Variants in PKM observed in about 807,000 individuals in gnomAD.
PKM encodes the protein pyruvate kinase PKM.
PKM carries 18 observed loss-of-function variants against 49.8 expected under a neutral mutation model. That is an observed-to-expected ratio of 0.36 (90% CI 0.25 to 0.54). PKM has a LOEUF of 0.54. Ranked by LOEUF, PKM falls within the 20% of genes least tolerant of loss-of-function variation. PKM has a pLI of 0.89. For synonymous variants in PKM, 239 were observed against 261.8 expected (o/e 0.91, Z 0.84); for missense variants, 508 against 713.8 (o/e 0.71, Z 3.28).
intron 3 of PKM, among the ~76,000 whole-genome samples, chr15:72,213,642 G>C (rs1253375878): frequency 2.0e-5 from 3 of 152,170 alleles, no homozygotes; most frequent in Non-Finnish European, 4.4e-5. Context: ...TGTTGGCCAG[G>C]CTGGTCTCGA....
intron 1 of PKM, 133 bp from the exon 2 acceptor site, chr15:72,219,243 G>T: frequency 1.3e-6 from 1 of 772,906 alleles, no homozygotes; most frequent in East Asian, 2.5e-5. Context: ...AGGGAAGCCA[G>T]ACATGATCTG....
At chr15:72,227,113 G>A (rs1395975535) in intron 1 of PKM, among the ~76,000 whole-genome samples, 1 of 152,188 alleles carries the variant, frequency 6.6e-6, no homozygotes, top group Non-Finnish European at 1.5e-5. Flanking sequence ...GTAAAAAAAT[G>A]CAAGCTCCCC....
chr15:72,218,363 G>T (rs781177920), intron 2 of PKM, among the ~76,000 whole-genome samples: 1 of 152,040 alleles, frequency 6.6e-6, no homozygotes, highest in Admixed American at 6.6e-5. Context: ...CTGACCTCAG[G>T]TGATCCACCT....
chr15:72,226,532 AAAAATAAAAT>A (rs1000885943), intron 1 of PKM, among the ~76,000 whole-genome samples: 13 of 152,330 alleles, frequency 8.5e-5, no homozygotes, highest in Middle Eastern at 3.4e-3. Context: ...TCCGTCTCAA[AAAAATAAAAT>A]AAAATAAAAT....
In PKM at chr15:72,208,658, T is replaced by C. The variant is rs1294683706; in HGVS notation, c.799A>G (p.Ile267Val). 2 of 1,614,060 alleles carry C rather than the reference T, an allele frequency of 1.2e-6. No homozygotes were observed. Among genetic ancestry groups the C allele is most frequent in the East Asian group, 4.5e-5 (2 of 44,866 alleles). Residue 267 changes from isoleucine (I) to valine (V), a missense_variant, in exon 6 of 11, where the codon ATT (isoleucine) becomes GTT (valine). Coordinates refer to ENST00000335181, the MANE Select transcript of PKM (RefSeq NM_002654.6). ...TCATGATTCTCGATTTTGCTGATAA[T>C]CTTGATGTTCTTTCCCTTCTCTCCC... Reference protein sequence around the residue: ...VLGEKGKNIKIISKIENHEGV... With the variant: ...VLGEKGKNIKVISKIENHEGV...
At chr15:72,228,500 T>C (rs202025115) in intron 1 of PKM, 2 of 498,680 alleles carry the variant, frequency 4.0e-6, no homozygotes, top group East Asian at 1.4e-4. Flanking sequence ...AAATGCATGC[T>C]TCATTATCTG....
chr15:72,214,634 A>G (rs1444661463), intron 3 of PKM, among the ~76,000 whole-genome samples: 1 of 152,128 alleles, frequency 6.6e-6, no homozygotes, highest in Non-Finnish European at 1.5e-5. Flanking sequence ...AGTCTCTACT[A>G]AAATACAAAA....
chr15:72,210,816 T>C (rs2082232442), intron 3 of PKM, among the ~76,000 whole-genome samples: 1 of 152,144 alleles, frequency 6.6e-6, no homozygotes, highest in Non-Finnish European at 1.5e-5. Context: ...GGCTGTTCTT[T>C]TTTCCCTAAG....
At position 72,199,710 on chromosome 15, in the gene PKM, C is replaced by A; in HGVS notation, c.1536G>T (p.Leu512=). 6.2e-7 allele frequency: 1 copy of A among 1,614,114 alleles called. No homozygotes were observed. The highest frequency in any genetic ancestry group is 1.1e-5 in the South Asian group (1 of 91,062). The part of the protein sequence containing the change: ...FFKKGDVVIV[L]TGWRPGSGFT... ...AGCCGGAGCCAGGGCGCCATCCGGT[C>A]AGCACAATGACCACATCTCCCTTCT... is the stretch of plus-strand genomic sequence containing the variant. The change falls in exon 11 of 11, where the codon CTG becomes CTT. Residue 512 remains leucine, a synonymous_variant. Coordinates refer to ENST00000335181, the MANE Select transcript of PKM (RefSeq NM_002654.6).
intron 1 of PKM, among the ~76,000 whole-genome samples, chr15:72,224,920 T>G (rs1266556780): frequency 1.0e-5 from 1 of 96,768 alleles, no homozygotes; most frequent in African/African-American, 3.9e-5. Flanking sequence ...AATTTCTTTT[T>G]TCTTTTTTTT....
At chr15:72,213,731 C>A (rs545140998) in intron 3 of PKM, among the ~76,000 whole-genome samples, 2 of 152,226 alleles carry the variant, frequency 1.3e-5, no homozygotes, top group Non-Finnish European at 2.9e-5. Context: ...GCACGCCCAG[C>A]CCACTTTTTC....
rs1056835900 is a variant in PKM, at chr15:72,199,394, G to C, written c.*256C>G. ...ACCCTCTTGCCATCTGGCTCCAGGG[G>C]CCTCCAGTCCAGCATTCCTCCTTCT... is the stretch of plus-strand genomic sequence containing the variant. On this transcript the variant is annotated 3_prime_UTR_variant, in exon 11 of 11. Transcript: ENST00000335181. 3.0e-6 allele frequency: 2 copies of C among 669,164 alleles called. No individual in the cohort carries two copies. The highest frequency in any genetic ancestry group is 3.5e-5 in the African/African-American group (2 of 56,478). The allele number at this position is 669,164 out of a possible 1,614,324, so 41.5% of individuals were successfully genotyped here. A position where few individuals can be genotyped will look rare whatever the true frequency, so the allele number is the denominator to read the frequency against.
intron 1 of PKM, chr15:72,230,847 G>A (rs1196151170): frequency 3.0e-6 from 3 of 994,234 alleles, no homozygotes; most frequent in East Asian, 6.3e-5. Flanking sequence ...GGAAGAGGAT[G>A]GGACCAGAAT....
intron 8 of PKM, chr15:72,203,392 A>C (rs962404752): frequency 5.1e-6 from 3 of 592,902 alleles, no homozygotes; most frequent in Admixed American, 5.7e-5. Flanking sequence ...CTTCCCCTCC[A>C]ATACAGGGGA....
chr15:72,200,705 G>A lies in PKM; in HGVS notation c.1308-50C>T, dbSNP rs1332922286. 5 of 1,527,536 alleles carry A rather than the reference G, an allele frequency of 3.3e-6. No homozygotes were observed. The highest frequency in any genetic ancestry group is 4.5e-6 in the Non-Finnish European group (5 of 1,110,944). The allele number at this position is 1,527,536 out of a possible 1,614,324, so 94.6% of individuals were successfully genotyped here. ...GAAGAGACCATTACACGAGGCCCCAGGAAGTACCCTCAGGGCGTTCAAACA... is the reference window on the plus strand; with the variant it reads ...GAAGAGACCATTACACGAGGCCCCAAGAAGTACCCTCAGGGCGTTCAAACA... On this transcript the variant is annotated intron_variant, in intron 9 of 10. Coordinates refer to ENST00000335181, the MANE Select transcript of PKM (RefSeq NM_002654.6). The surrounding 1 kb of genome is among the most constrained non-coding windows in gnomAD (Gnocchi z 4.6).
chr15:72,227,982 C>T (rs1773619268), intron 1 of PKM, among the ~76,000 whole-genome samples: 1 of 152,176 alleles, frequency 6.6e-6, no homozygotes, highest in African/African-American at 2.4e-5. Flanking sequence ...AAGCAACTCC[C>T]ATAAAGTGCT....
intron 3 of PKM, among the ~76,000 whole-genome samples, chr15:72,211,089 A>G (rs2082239737): frequency 6.6e-6 from 1 of 150,416 alleles, no homozygotes; most frequent in Non-Finnish European, 1.5e-5. Context: ...TTTTTGAGAC[A>G]GAGTCTTGCT....
intron 1 of PKM, among the ~76,000 whole-genome samples, chr15:72,225,217 T>C (rs1255902417): frequency 2.0e-5 from 3 of 151,834 alleles, no homozygotes; most frequent in Non-Finnish European, 4.4e-5. Context: ...ATTACAGGCA[T>C]GAGCCACTGT....
At chr15:72,221,634 T>C (rs1167041867) in intron 1 of PKM, among the ~76,000 whole-genome samples, 2 of 151,928 alleles carry the variant, frequency 1.3e-5, no homozygotes, top group Non-Finnish European at 2.9e-5. Flanking sequence ...TAGTAAGAAA[T>C]TATGTGTACC....
Sources: allele counts gnomAD v4.1 joint callset (sites outside exome capture counted in the v4.1 genomes callset), GRCh38; gene constraint gnomAD v4.1.1; non-coding constraint Gnocchi (gnomAD v3.1); transcripts MANE v1.5; gene names NCBI Gene and HGNC (gene_info 2026-07-23, HGNC 2026-07-21).